PLPP6: variants seen among roughly 807,000 people sequenced by gnomAD.
PLPP6 encodes the protein phospholipid phosphatase 6, also known as polyisoprenoid diphosphate/phosphate phosphohydrolase PLPP6.
A neutral mutation model predicts 16.5 loss-of-function variants in PLPP6; 16 were observed. That is an observed-to-expected ratio of 0.97 (90% confidence interval 0.66 to 1.47). The LOEUF is 1.47. Ranked by LOEUF, PLPP6 falls within the 40% of genes most tolerant of loss-of-function variation. The pLI is 0.00. For synonymous variants in PLPP6, 226 were observed against 188.1 expected (o/e 1.20, Z -1.65); for missense variants, 512 against 396.6 (o/e 1.29, Z -2.47).
chr9:4,663,332 A>G lies in PLPP6; in HGVS notation c.*69A>G. On this transcript the variant is annotated 3_prime_UTR_variant, in exon 1 of 1. Coordinates refer to ENST00000381883, the MANE Select transcript of PLPP6 (RefSeq NM_203453.5). ...ACATTCGATGATGTCAACCTAAACC[A>G]GCAGCCATCCCGCTTGTCCCTCTTA... 4.1e-5 allele frequency: 61 copies of G among 1,497,814 alleles called. No individual in the cohort carries two copies. The highest frequency in any genetic ancestry group is 5.5e-5 in the Non-Finnish European group (60 of 1,095,046). The allele number at this position is 1,497,814 out of a possible 1,614,324, so 92.8% of individuals were successfully genotyped here.
Position 4,662,731 on chromosome 9 carries a change from T to A in PLPP6, c.356T>A (p.Val119Glu), listed in dbSNP as rs754070986. The change falls in exon 1 of 1, where the codon GTG becomes GAG. Residue 119 changes from valine (V) to glutamate (E), a missense_variant. Transcript: ENST00000381883. The surrounding 1 kb of genome is among the most constrained non-coding windows in gnomAD (Gnocchi z 4.9). ...CTGTGGCTGTCCAAGAAGCTGGGGGTGTGCGCGGGAGAGAGCTCGTCGTGG... is the reference window on the plus strand; with the variant it reads ...CTGTGGCTGTCCAAGAAGCTGGGGGAGTGCGCGGGAGAGAGCTCGTCGTGG... The part of the protein sequence containing the change: ...IDLWLSKKLG[V>E]CAGESSSWGS... The A allele has an allele frequency of 9.4e-6, 15 of 1,602,564 alleles. No individual in the cohort carries two copies. Among genetic ancestry groups the A allele is most frequent in the Non-Finnish European group, 1.3e-5 (15 of 1,179,862 alleles).
In PLPP6 at chr9:4,662,346, C is replaced by T; in HGVS notation, c.-30C>T. 2 of 1,479,718 alleles carry T rather than the reference C, an allele frequency of 1.4e-6. No individual in the cohort carries two copies. Among genetic ancestry groups the T allele is most frequent in the South Asian group, 1.3e-5 (1 of 74,668 alleles). 91.7% of individuals were successfully genotyped at this position (1,479,718 alleles called of 1,614,324 possible). ...CCGGGAAGCCTCTGTTTGGTCCGGC[C>T]AGGTCCCGGGATCCGGGCCGCCAGC... On this transcript the variant is annotated 5_prime_UTR_variant, in exon 1 of 1. Transcript: ENST00000381883. The surrounding 1 kb of genome is among the most constrained non-coding windows in gnomAD (Gnocchi z 4.9).
chr9:4,662,996 G>C lies in PLPP6; in HGVS notation c.621G>C (p.Lys207Asn), dbSNP rs1319105019. The C allele has an allele frequency of 1.9e-6, 3 of 1,610,120 alleles. No individual in the cohort carries two copies. Among genetic ancestry groups the C allele is most frequent in the Non-Finnish European group, 2.5e-6 (3 of 1,178,812 alleles). The change falls in exon 1 of 1, where the codon AAG (lysine) becomes AAC (asparagine). Residue 207 changes from lysine to asparagine, a missense_variant. Coordinates refer to ENST00000381883, the MANE Select transcript of PLPP6 (RefSeq NM_203453.5). The surrounding 1 kb of genome is among the most constrained non-coding windows in gnomAD (Gnocchi z 4.9). Reference sequence around the variant, plus strand: ...TGTTTGTCACTCTCTCGGTGGACAAGTACTCCTTCCCCTCGGGCCATGCCA... The same window carrying C: ...TGTTTGTCACTCTCTCGGTGGACAACTACTCCTTCCCCTCGGGCCATGCCA... ...MDMFVTLSVD[K>N]YSFPSGHATR...
In PLPP6 at chr9:4,663,047, C is replaced by G. The variant is rs1263404396; in HGVS notation, c.672C>G (p.Phe224Leu). The change falls in exon 1 of 1, where the codon TTC becomes TTG. Residue 224 changes from phenylalanine (F) to leucine (L), a missense_variant. Phe to Leu is a conservative substitution (Grantham distance 22). Coordinates refer to ENST00000381883, the MANE Select transcript of PLPP6 (RefSeq NM_203453.5). The part of the protein sequence containing the change: ...HATRAALMSR[F>L]ILNHLVLAIP... ...CAAGGGCCGCCCTGATGTCGAGGTT[C>G]ATCCTGAACCACCTGGTGCTGGCCA... is the stretch of plus-strand genomic sequence containing the variant. The G allele has an allele frequency of 9.3e-6, 15 of 1,613,936 alleles. No individual in the cohort carries two copies. Among genetic ancestry groups the G allele is most frequent in the Non-Finnish European group, 1.2e-5 (14 of 1,179,968 alleles).
At position 4,662,721 on chromosome 9, in the gene PLPP6, A is replaced by C. The variant is rs1455623930; in HGVS notation, c.346A>C (p.Lys116Gln). ...GGCCATCGACCTGTGGCTGTCCAAG[A>C]AGCTGGGGGTGTGCGCGGGAGAGAG... ...LLAIDLWLSKKLGVCAGESSS... is the reference protein window; with the variant it reads ...LLAIDLWLSKQLGVCAGESSS... Residue 116 changes from lysine to glutamine, a missense_variant, in exon 1 of 1, where the codon AAG becomes CAG. Coordinates refer to ENST00000381883, the MANE Select transcript of PLPP6 (RefSeq NM_203453.5). This position sits in a 1 kb window ranked among gnomAD's most constrained non-coding sequence, Gnocchi z 4.9. 6.2e-7 allele frequency: 1 copy of C among 1,602,456 alleles called. No individual in the cohort carries two copies. The highest frequency in any genetic ancestry group is 8.5e-7 in the Non-Finnish European group (1 of 1,179,892).
rs952538166 is a variant in PLPP6 at position 4,664,209 on chromosome 9, G to C, written c.*946G>C. On this transcript the variant is annotated 3_prime_UTR_variant, in exon 1 of 1. Transcript: ENST00000381883. The stretch of plus-strand genomic sequence containing the variant: ...CACATATTATGCCAGTGACCAGTAT[G>C]ACAGGAGATGGGGCCCTGCTGCCAG... 3 of 167,092 alleles carry C rather than the reference G, an allele frequency of 1.8e-5. No homozygotes were observed. Among genetic ancestry groups the C allele is most frequent in the African/African-American group, 7.2e-5 (3 of 41,468 alleles). The allele number at this position is 167,092 out of a possible 1,614,324, so 10.4% of individuals were successfully genotyped here.
rs752489837 is a variant in PLPP6, at chr9:4,663,150, AC to A, written c.777del (p.Asp260ThrfsTer2). 2.5e-6 allele frequency: 4 copies of A among 1,613,800 alleles called. No individual in the cohort carries two copies. In the Admixed American group the frequency reaches 6.7e-5, roughly 27 times the overall value. On this transcript the variant is annotated frameshift_variant, in exon 1 of 1. Transcript: ENST00000381883. LOFTEE classifies it high-confidence loss of function. ...SRVMLGRHNV[T>X]DVAFGFFLGY... ...GGTCATGCTGGGGCGGCACAATGTC[AC>A]CGACGTAGCTTTTGGCTTTTTTCTG...
rs796092228 is a variant in PLPP6 at position 4,663,925 on chromosome 9, C to T, written c.*662C>T. 10 of 167,132 alleles carry T rather than the reference C, an allele frequency of 6.0e-5. No homozygotes were observed. The highest frequency in any genetic ancestry group is 2.4e-4 in the African/African-American group (10 of 41,540). The allele number at this position is 167,132 out of a possible 1,614,324, so 10.4% of individuals were successfully genotyped here. A position where few individuals can be genotyped will look rare whatever the true frequency, so the allele number is the denominator to read the frequency against. On this transcript the variant is annotated 3_prime_UTR_variant, in exon 1 of 1. Coordinates refer to ENST00000381883, the MANE Select transcript of PLPP6 (RefSeq NM_203453.5). ...AGATTATAATACTTGTCTTTCTCTC[C>T]TCTCCCTCCATCCCTCAAAAGATCT...
Position 4,663,205 on chromosome 9 carries a change from A to G in PLPP6, c.830A>G (p.Tyr277Cys), listed in dbSNP as rs140532555. The G allele has an allele frequency of 1.1e-4, 170 of 1,613,848 alleles. No individual in the cohort carries two copies. Among genetic ancestry groups the G allele is most frequent in the Admixed American group, 1.5e-4 (9 of 59,970 alleles). ...LGYMQYSIVD[Y>C]CWLSPHNAPV... Reference sequence around the variant, plus strand: ...TACATGCAGTACAGCATCGTGGACTATTGCTGGCTCTCACCCCATAATGCT... The same window carrying G: ...TACATGCAGTACAGCATCGTGGACTGTTGCTGGCTCTCACCCCATAATGCT... The change falls in exon 1 of 1, where the codon TAT (tyrosine) becomes TGT (cysteine). Residue 277 changes from tyrosine (Y) to cysteine (C), a missense_variant. Coordinates refer to ENST00000381883, the MANE Select transcript of PLPP6 (RefSeq NM_203453.5).
rs1032447888 is a variant in PLPP6 at position 4,665,059 on chromosome 9, T to C, written c.*1796T>C. 6.0e-6 allele frequency: 1 copy of C among 167,146 alleles called. No individual in the cohort carries two copies. Among genetic ancestry groups the C allele is most frequent in the African/African-American group, 2.4e-5 (1 of 41,476 alleles). 10.4% of individuals were successfully genotyped at this position (167,146 alleles called of 1,614,324 possible). On this transcript the variant is annotated 3_prime_UTR_variant, in exon 1 of 1. Transcript: ENST00000381883. ...TAGGGGCATGAAATTAGGCTTACCA[T>C]CTGATTTGTAATTACAATTTTGGAA...
Position 4,663,378 on chromosome 9 carries a change from G to A in PLPP6, c.*115G>A, listed in dbSNP as rs1840331899. On this transcript the variant is annotated 3_prime_UTR_variant, in exon 1 of 1. Coordinates refer to ENST00000381883, the MANE Select transcript of PLPP6 (RefSeq NM_203453.5). ...TCTTAGGCATTTCAGGCTTCCTTTG[G>A]GATTTCAGGTGTCCCATGATCTTGA... 1.8e-6 allele frequency: 2 copies of A among 1,094,642 alleles called. No homozygotes were observed. The highest frequency in any genetic ancestry group is 3.0e-5 in the South Asian group (2 of 66,640). The allele number at this position is 1,094,642 out of a possible 1,614,324, so 67.8% of individuals were successfully genotyped here. A position where few individuals can be genotyped will look rare whatever the true frequency, so the allele number is the denominator to read the frequency against.
rs951130767 is a variant in PLPP6, at chr9:4,664,246, G to A, written c.*983G>A. On this transcript the variant is annotated 3_prime_UTR_variant, in exon 1 of 1. Coordinates refer to ENST00000381883, the MANE Select transcript of PLPP6 (RefSeq NM_203453.5). The stretch of plus-strand genomic sequence containing the variant: ...GGCCCTGCTGCCAGTCATCTCCACT[G>A]AATAAAGAATAATGCTCCTCTTTCA... The A allele has an allele frequency of 1.2e-5, 2 of 167,030 alleles. No homozygotes were observed. Among genetic ancestry groups the A allele is most frequent in the Non-Finnish European group, 2.9e-5 (2 of 68,126 alleles). 10.3% of individuals were successfully genotyped at this position (167,030 alleles called of 1,614,324 possible).
rs1563742889 is a variant in PLPP6, at chr9:4,662,329, C to T, written c.-47C>T. On this transcript the variant is annotated 5_prime_UTR_variant, in exon 1 of 1. Coordinates refer to ENST00000381883, the MANE Select transcript of PLPP6 (RefSeq NM_203453.5). The surrounding 1 kb of genome is among the most constrained non-coding windows in gnomAD (Gnocchi z 4.9). ...CGGAAGAGGCTGCAGGGCCGGGAAGCCTCTGTTTGGTCCGGCCAGGTCCCG... is the reference window on the plus strand; with the variant it reads ...CGGAAGAGGCTGCAGGGCCGGGAAGTCTCTGTTTGGTCCGGCCAGGTCCCG... The T allele has an allele frequency of 2.7e-6, 4 of 1,456,726 alleles. No homozygotes were observed. The highest frequency in any genetic ancestry group is 5.0e-5 in the East Asian group (2 of 39,634). 90.2% of individuals were successfully genotyped at this position (1,456,726 alleles called of 1,614,324 possible).
Position 4,663,014 on chromosome 9 carries a change from C to T in PLPP6, c.639C>T (p.Gly213=). 1.2e-6 allele frequency: 2 copies of T among 1,613,784 alleles called. No individual in the cohort carries two copies. The highest frequency in any genetic ancestry group is 3.3e-5 in the Admixed American group (2 of 59,986). Residue 213 remains glycine, a synonymous_variant, in exon 1 of 1, where the codon GGC becomes GGT. Coordinates refer to ENST00000381883, the MANE Select transcript of PLPP6 (RefSeq NM_203453.5). The part of the protein sequence containing the change: ...LSVDKYSFPS[G]HATRAALMSR... ...TGGACAAGTACTCCTTCCCCTCGGGCCATGCCACAAGGGCCGCCCTGATGT... is the reference window on the plus strand; with the variant it reads ...TGGACAAGTACTCCTTCCCCTCGGGTCATGCCACAAGGGCCGCCCTGATGT...
Position 4,663,816 on chromosome 9 carries a change from G to A in PLPP6, c.*553G>A, listed in dbSNP as rs1199247274. On this transcript the variant is annotated 3_prime_UTR_variant, in exon 1 of 1. Coordinates refer to ENST00000381883, the MANE Select transcript of PLPP6 (RefSeq NM_203453.5). ...AGTTGGGAGATTTCTTCTTAATCCT[G>A]ATTTTCTTGGTAAGCTTTTTTACTT... 6.0e-6 allele frequency: 1 copy of A among 166,914 alleles called. No individual in the cohort carries two copies. The highest frequency in any genetic ancestry group is 2.4e-5 in the African/African-American group (1 of 41,432). The allele number at this position is 166,914 out of a possible 1,614,324, so 10.3% of individuals were successfully genotyped here. A position where few individuals can be genotyped will look rare whatever the true frequency, so the allele number is the denominator to read the frequency against.
Position 4,663,814 on chromosome 9 carries a change from C to G in PLPP6, c.*551C>G. On this transcript the variant is annotated 3_prime_UTR_variant, in exon 1 of 1. Transcript: ENST00000381883. ...ACAGTTGGGAGATTTCTTCTTAATC[C>G]TGATTTTCTTGGTAAGCTTTTTTAC... is the stretch of plus-strand genomic sequence containing the variant. 1 of 166,996 alleles carries G rather than the reference C, an allele frequency of 6.0e-6. No homozygotes were observed. The allele number at this position is 166,996 out of a possible 1,614,324, so 10.3% of individuals were successfully genotyped here.
chr9:4,662,361 G>C lies in PLPP6; in HGVS notation c.-15G>C, dbSNP rs762874240. On this transcript the variant is annotated 5_prime_UTR_variant, in exon 1 of 1. Coordinates refer to ENST00000381883, the MANE Select transcript of PLPP6 (RefSeq NM_203453.5). This position sits in a 1 kb window ranked among gnomAD's most constrained non-coding sequence, Gnocchi z 4.9. ...TTGGTCCGGCCAGGTCCCGGGATCCGGGCCGCCAGCTGCGATGCCAAGTCC... is the reference window on the plus strand; with the variant it reads ...TTGGTCCGGCCAGGTCCCGGGATCCCGGCCGCCAGCTGCGATGCCAAGTCC... 81 of 1,493,056 alleles carry C rather than the reference G, an allele frequency of 5.4e-5. No individual in the cohort carries two copies. The African/African-American group carries it at 6.0e-4, about 11-fold the overall frequency. The allele number at this position is 1,493,056 out of a possible 1,614,324, so 92.5% of individuals were successfully genotyped here.
rs1035591685 is a variant in PLPP6, at chr9:4,663,343, C to T, written c.*80C>T. 4.2e-6 allele frequency: 6 copies of T among 1,432,476 alleles called. No homozygotes were observed. In the African/African-American group the frequency reaches 7.1e-5, roughly 17 times the overall value. The allele number at this position is 1,432,476 out of a possible 1,614,324, so 88.7% of individuals were successfully genotyped here. On this transcript the variant is annotated 3_prime_UTR_variant, in exon 1 of 1. Transcript: ENST00000381883. ...TGTCAACCTAAACCAGCAGCCATCCCGCTTGTCCCTCTTAGGCATTTCAGG... is the reference window on the plus strand; with the variant it reads ...TGTCAACCTAAACCAGCAGCCATCCTGCTTGTCCCTCTTAGGCATTTCAGG...
In PLPP6 at chr9:4,663,724, T is replaced by G. The variant is rs1274798210; in HGVS notation, c.*461T>G. On this transcript the variant is annotated 3_prime_UTR_variant, in exon 1 of 1. Coordinates refer to ENST00000381883, the MANE Select transcript of PLPP6 (RefSeq NM_203453.5). Reference sequence around the variant, plus strand: ...CCTAGTCCTTTTCCTGAGGTAGATTTTAAACAGTATTTTTAAAGTCCAAGA... The same window carrying G: ...CCTAGTCCTTTTCCTGAGGTAGATTGTAAACAGTATTTTTAAAGTCCAAGA... The G allele has an allele frequency of 5.9e-6, 1 of 168,586 alleles. No homozygotes were observed. Among genetic ancestry groups the G allele is most frequent in the Non-Finnish European group, 1.4e-5 (1 of 69,282 alleles). 10.4% of individuals were successfully genotyped at this position (168,586 alleles called of 1,614,324 possible).
Sources: gnomAD v4.1 joint callset for allele counts on GRCh38, gnomAD v4.1.1 for gene constraint, Gnocchi (gnomAD v3.1) non-coding constraint, MANE v1.5 for transcripts, NCBI Gene and HGNC (gene_info 2026-07-23, HGNC 2026-07-21) for gene names.